PACS1: variants seen among roughly 807,000 people sequenced by gnomAD.
The protein encoded by PACS1 is PACS-1.
In PACS1, 24 loss-of-function variants were observed where a neutral mutation model predicts 115.0. The observed-to-expected ratio is 0.21, with a 90% CI of 0.15 to 0.29. The LOEUF is 0.29. PACS1 is among the 10% of genes least tolerant of loss of function. PACS1 has a pLI of 1.00. For missense variants in PACS1, 838 were observed against 1,251.2 expected (o/e 0.67, Z 4.98); for synonymous variants, 453 against 504.5 (o/e 0.90, Z 1.37).
intron 1 of PACS1, among the ~76,000 whole-genome samples, chr11:66,099,780 A>G (rs1279480504): frequency 1.3e-5 from 2 of 151,602 alleles, no homozygotes; most frequent in Admixed American, 6.6e-5. Context: ...TCCTGAGCTC[A>G]AGTGGTCTAC....
chr11:66,181,160 G>C (rs936236528), intron 1 of PACS1, among the ~76,000 whole-genome samples: 4 of 150,116 alleles, frequency 2.7e-5, no homozygotes, highest in Non-Finnish European at 5.9e-5. Flanking sequence ...TTTAAATTAT[G>C]TTAAGGAAGT....
Position 66,070,423 on chromosome 11 carries a change from C to CG in PACS1, c.-59dup. 4.8e-6 allele frequency: 5 copies of CG among 1,041,498 alleles called. No homozygotes were observed. Among genetic ancestry groups the CG allele is most frequent in the Non-Finnish European group, 6.1e-6 (5 of 823,576 alleles). The allele number at this position is 1,041,498 out of a possible 1,614,324, so 64.5% of individuals were successfully genotyped here. A position where few individuals can be genotyped will look rare whatever the true frequency, so the allele number is the denominator to read the frequency against. The stretch of plus-strand genomic sequence containing the variant: ...TGCCGCGCCCCCGCCGCCGCCGCCG[C>CG]GGGGGAAGCCTGGGAGCCAGATCGG... On this transcript the variant is annotated 5_prime_UTR_variant, in exon 1 of 24. Transcript: ENST00000320580. This position sits in a 1 kb window ranked among gnomAD's most constrained non-coding sequence, Gnocchi z 5.9.
At chr11:66,207,121 G>C (rs10750780) in intron 2 of PACS1, among the ~76,000 whole-genome samples, 1 of 151,762 alleles carries the variant, frequency 6.6e-6, no homozygotes, top group Non-Finnish European at 1.5e-5. Context: ...CAAATATGTC[G>C]ATATGTATTT....
rs925894200 is a variant in PACS1, at chr11:66,116,922, T to C, written c.356+46080T>C. Among the ~76,000 whole-genome samples the C allele has an allele frequency of 2.6e-5, 4 of 151,202 alleles. No individual in the cohort carries two copies. In the East Asian group the frequency reaches 5.8e-4, roughly 22 times the overall value. Reference sequence around the variant, plus strand: ...AAAAAAAAAACAACTCAGATTCTAGTTGGGGAGACATATACTAAATAAGAT... The same window carrying C: ...AAAAAAAAAACAACTCAGATTCTAGCTGGGGAGACATATACTAAATAAGAT... On this transcript the variant is annotated intron_variant, in intron 1 of 23. Transcript: ENST00000320580.
At chr11:66,234,949 G>A (rs1855676297) in intron 17 of PACS1, among the ~76,000 whole-genome samples, 1 of 152,178 alleles carries the variant, frequency 6.6e-6, no homozygotes, top group Non-Finnish European at 1.5e-5. Flanking sequence ...AGGCTGAGAG[G>A]TAGTGAGGGC....
intron 1 of PACS1, among the ~76,000 whole-genome samples, chr11:66,127,497 T>C (rs1015382229): frequency 1.3e-5 from 2 of 152,192 alleles, no homozygotes; most frequent in African/African-American, 4.8e-5. Flanking sequence ...TGCAGGGTGC[T>C]CATGGGAGAT....
chr11:66,071,833 C>G (rs927299851), intron 1 of PACS1, among the ~76,000 whole-genome samples: 4 of 152,068 alleles, frequency 2.6e-5, no homozygotes, highest in Non-Finnish European at 4.4e-5. Context: ...TTGCTGGGCT[C>G]CCCCCTCGAC....
At chr11:66,177,457 C>A (rs1859893810) in intron 1 of PACS1, among the ~76,000 whole-genome samples, 1 of 152,144 alleles carries the variant, frequency 6.6e-6, no homozygotes, top group South Asian at 2.1e-4. Context: ...TCCCATAGTG[C>A]TGGGATTACA....
intron 1 of PACS1, among the ~76,000 whole-genome samples, chr11:66,074,943 T>TTG (rs1565097237): frequency 7.3e-6 from 1 of 137,128 alleles, no homozygotes; most frequent in African/African-American, 2.7e-5. Flanking sequence ...TTTTTGGTGT[T>TTG]TTTTTTTTTT....
At chr11:66,073,033 C>T (rs1011781602) in intron 1 of PACS1, among the ~76,000 whole-genome samples, 1 of 152,222 alleles carries the variant, frequency 6.6e-6, no homozygotes, top group Non-Finnish European at 1.5e-5. Flanking sequence ...GAGGCTTAGG[C>T]GGACTTATTT....
chr11:66,074,851 A>G (rs150595100), intron 1 of PACS1, among the ~76,000 whole-genome samples: 1 of 152,150 alleles, frequency 6.6e-6, no homozygotes, highest in Non-Finnish European at 1.5e-5. Flanking sequence ...GAAGCACTAT[A>G]CGAGCCAAGA....
chr11:66,153,014 G>A (rs931575610), intron 1 of PACS1, among the ~76,000 whole-genome samples: 1 of 152,200 alleles, frequency 6.6e-6, no homozygotes, highest in Non-Finnish European at 1.5e-5. Context: ...AATGATACCA[G>A]GTGGTAACTC....
intron 1 of PACS1, among the ~76,000 whole-genome samples, chr11:66,180,667 AC>A (rs1464630696): frequency 6.6e-6 from 1 of 150,570 alleles, no homozygotes; most frequent in African/African-American, 2.4e-5. Flanking sequence ...TTTTTTACTT[AC>A]TTAATTTTGA....
At chr11:66,214,397 A>G (rs894378925) in intron 4 of PACS1, among the ~76,000 whole-genome samples, 3 of 152,058 alleles carry the variant, frequency 2.0e-5, no homozygotes, top group Non-Finnish European at 4.4e-5. Context: ...ACCACCACCT[A>G]TAGGCCTGGC....
At chr11:66,205,451 A>G (rs1336654560) in intron 2 of PACS1, among the ~76,000 whole-genome samples, 1 of 151,940 alleles carries the variant, frequency 6.6e-6, no homozygotes, top group Non-Finnish European at 1.5e-5. Flanking sequence ...GCTTGAGGCG[A>G]TGGATACCCA....
chr11:66,147,509 A>T (rs1289952805), intron 1 of PACS1, among the ~76,000 whole-genome samples: 1 of 152,226 alleles, frequency 6.6e-6, no homozygotes, highest in Non-Finnish European at 1.5e-5. Flanking sequence ...GTAAGAGGAA[A>T]ATGATAACAA....
At chr11:66,072,339 G>T (rs1857322730) in intron 1 of PACS1, among the ~76,000 whole-genome samples, 2 of 152,068 alleles carry the variant, frequency 1.3e-5, no homozygotes, top group Non-Finnish European at 2.9e-5. Context: ...CCACAGTAAT[G>T]CACACATTTC....
At chr11:66,079,128 G>A (rs1857440030) in intron 1 of PACS1, among the ~76,000 whole-genome samples, 1 of 152,048 alleles carries the variant, frequency 6.6e-6, no homozygotes, top group African/African-American at 2.4e-5. Flanking sequence ...GGCTAGTCTT[G>A]AACTCCTGAC....
At chr11:66,080,608 A>G (rs2134499935) in intron 1 of PACS1, among the ~76,000 whole-genome samples, 1 of 152,204 alleles carries the variant, frequency 6.6e-6, no homozygotes, top group Middle Eastern at 3.4e-3. Context: ...TTTTTTTAAG[A>G]CTACACAGTT....
Sources: gnomAD v4.1 joint callset for allele counts (sites outside exome capture counted in the v4.1 genomes callset) on GRCh38, gnomAD v4.1.1 for gene constraint, Gnocchi (gnomAD v3.1) non-coding constraint, MANE v1.5 for transcripts, NCBI Gene and HGNC (gene_info 2026-07-23, HGNC 2026-07-21) for gene names.